TUSC3: variants seen among roughly 807,000 people sequenced by gnomAD.
TUSC3 encodes the protein dolichyl-diphosphooligosaccharide--protein glycosyltransferase subunit TUSC3.
In TUSC3, 45 loss-of-function variants were observed where a neutral mutation model predicts 44.8. That is an observed-to-expected ratio of 1.00 (90% confidence interval 0.79 to 1.29). The LOEUF is 1.29. TUSC3 is among the 50% of genes most tolerant of loss of function. TUSC3 has a pLI of 0.00. For synonymous variants in TUSC3, 212 were observed against 152.9 expected, an observed-to-expected ratio of 1.39 and a Z score of -2.85; for missense variants, 519 against 437.9, an observed-to-expected ratio of 1.19 and a Z score of -1.65.
intron 8 of TUSC3, among the ~76,000 whole-genome samples, chr8:15,745,023 C>A (rs554767918): frequency 4.6e-5 from 7 of 152,186 alleles, no homozygotes; most frequent in Admixed American, 2.0e-4. Context: ...CTCCCACTTA[C>A]AAGTGAGAAC....
At chr8:15,710,779 G>A (rs547262319) in intron 6 of TUSC3, among the ~76,000 whole-genome samples, 1 of 149,152 alleles carries the variant, frequency 6.7e-6, no homozygotes, top group Non-Finnish European at 1.5e-5. Context: ...TTTGCATGAA[G>A]TGAATATATA....
At chr8:15,475,647 C>T (rs1800565004) in intron 1 of TUSC3, among the ~76,000 whole-genome samples, 1 of 152,090 alleles carries the variant, frequency 6.6e-6, no homozygotes, top group African/African-American at 2.4e-5. Flanking sequence ...GGATATATGC[C>T]ATTACAGTAG....
At chr8:15,779,140 A>T in the TUSC3 span, among the ~76,000 whole-genome samples, 13 of 146,866 alleles carry the variant, frequency 8.9e-5, no homozygotes, top group Non-Finnish European at 8.9e-5. Flanking sequence ...CTAGTAAAAG[A>T]GTAAGTATAT....
intron 2 of TUSC3, among the ~76,000 whole-genome samples, chr8:15,515,890 T>C (rs113438477): frequency 0.016 from 2,470 of 152,126 alleles, 71 homozygotes; most frequent in African/African-American, 0.057. Context: ...AGGCTGGTCT[T>C]GAATTCCTGA....
chr8:15,550,935 T>C (rs985009152), intron 1 of TUSC3, among the ~76,000 whole-genome samples: 1 of 151,740 alleles, frequency 6.6e-6, no homozygotes, highest in African/African-American at 2.4e-5. Context: ...GCCTCCCAAG[T>C]GCTGGGATTA....
At chr8:15,751,583 A>T (rs1811706386) in intron 9 of TUSC3, among the ~76,000 whole-genome samples, 2 of 152,192 alleles carry the variant, frequency 1.3e-5, no homozygotes, top group Non-Finnish European at 2.9e-5. Context: ...CTTTGAAGCC[A>T]GTCTACCCTT....
rs6981245 is a variant in TUSC3 at position 15,667,457 on chromosome 8, T to C, written c.708+5161T>C. 2.6e-3 allele frequency among the ~76,000 whole-genome samples: 398 copies of C among 151,840 alleles called. 3 individuals carry two copies. The highest frequency in any genetic ancestry group is 0.024 in the Middle Eastern group (7 of 294). ...GCATGTCTGCTGTTACTCTGCTGAT[T>C]TATACCACCTGTTTATTAAGTAATG... On this transcript the variant is annotated intron_variant, in intron 5 of 10. Coordinates refer to ENST00000503731, the MANE Select transcript of TUSC3 (RefSeq NM_006765.4).
chr8:15,611,971 C>T (rs1490995864), intron 1 of TUSC3, among the ~76,000 whole-genome samples: 1 of 152,156 alleles, frequency 6.6e-6, no homozygotes, highest in Non-Finnish European at 1.5e-5. Context: ...TCATTGAACT[C>T]CTTAAATATT....
At chr8:15,757,663 T>C (rs1811982914) in intron 9 of TUSC3, 128 bp from the exon 10 acceptor site, 1 of 1,201,368 alleles carries the variant, frequency 8.3e-7, no homozygotes, top group Non-Finnish European at 1.2e-6. Context: ...GGCACCATCG[T>C]CTATCCCCTG....
chr8:15,432,682 C>G (rs1466080687), intron 1 of TUSC3, among the ~76,000 whole-genome samples: 1 of 152,100 alleles, frequency 6.6e-6, no homozygotes, highest in Non-Finnish European at 1.5e-5. Context: ...GGTTATGTCT[C>G]AATCTTTTAA....
the TUSC3 span, among the ~76,000 whole-genome samples, chr8:15,771,981 T>C: frequency 6.6e-6 from 1 of 151,716 alleles, no homozygotes; most frequent in South Asian, 2.1e-4. Flanking sequence ...CCCAGCTACC[T>C]GGGAGGCTGA....
intron 2 of TUSC3, among the ~76,000 whole-genome samples, chr8:15,521,642 C>T (rs1370219919): frequency 6.6e-6 from 1 of 152,070 alleles, no homozygotes; most frequent in African/African-American, 2.4e-5. Context: ...CGTGCATAAA[C>T]TTTAAGAAAG....
At chr8:15,513,554 C>A (rs1801171477) in intron 2 of TUSC3, among the ~76,000 whole-genome samples, 1 of 152,076 alleles carries the variant, frequency 6.6e-6, no homozygotes, top group African/African-American at 2.4e-5. Context: ...AACTTAGGTC[C>A]TTTTTAGACT....
At chr8:15,440,231 A>C (rs1166704771) in intron 1 of TUSC3, among the ~76,000 whole-genome samples, 1 of 152,222 alleles carries the variant, frequency 6.6e-6, no homozygotes, top group Non-Finnish European at 1.5e-5. Context: ...AGTAGAGCTG[A>C]GAACTTTACG....
At chr8:15,584,729 G>T (rs1803524670) in intron 1 of TUSC3, among the ~76,000 whole-genome samples, 1 of 152,000 alleles carries the variant, frequency 6.6e-6, no homozygotes, top group Non-Finnish European at 1.5e-5. Context: ...GAGGGTGAAT[G>T]GAAAATCCCA....
intron 1 of TUSC3, among the ~76,000 whole-genome samples, chr8:15,582,945 T>C (rs535450174): frequency 6.6e-6 from 1 of 152,318 alleles, no homozygotes; most frequent in South Asian, 2.1e-4. Flanking sequence ...TACCTCAAAT[T>C]GCAATTCTTG....
At chr8:15,539,298 G>T (rs527678578), upstream of TUSC3, among the ~76,000 whole-genome samples, 10 of 149,592 alleles carry the variant, frequency 6.7e-5, no homozygotes, top group African/African-American at 2.2e-4. Flanking sequence ...CATTAGAACG[G>T]ATCAGGCCCA....
chr8:15,547,558 A>G (rs1789276165), intron 1 of TUSC3, among the ~76,000 whole-genome samples: 1 of 151,736 alleles, frequency 6.6e-6, no homozygotes, highest in African/African-American at 2.4e-5. Flanking sequence ...CAACAAGCAG[A>G]CAGGATACTA....
intron 6 of TUSC3, among the ~76,000 whole-genome samples, chr8:15,677,148 C>T (rs1391408521): frequency 6.6e-6 from 1 of 151,964 alleles, no homozygotes; most frequent in Non-Finnish European, 1.5e-5. Context: ...GCCCTAAGTA[C>T]CTCGGACACT....
Sources: allele counts gnomAD v4.1 joint callset (sites outside exome capture counted in the v4.1 genomes callset), GRCh38; gene constraint gnomAD v4.1.1; transcripts MANE v1.5; gene names NCBI Gene and HGNC (gene_info 2026-07-23, HGNC 2026-07-21).